The following NOS1AP variants were observed in gnomAD, a reference collection of about 807,000 sequenced individuals.
NOS1AP encodes carboxyl-terminal PDZ ligand of neuronal nitric oxide synthase protein.
In NOS1AP, 21 loss-of-function variants were observed where a neutral mutation model predicts 56.2. The observed-to-expected ratio is 0.37, with a 90% CI of 0.26 to 0.54. The LOEUF is 0.54. Ranked by LOEUF, NOS1AP falls within the 20% of genes least tolerant of loss-of-function variation. NOS1AP has a pLI of 0.84. For missense variants in NOS1AP, 522 were observed against 657.8 expected, an observed-to-expected ratio of 0.79 and a Z score of 2.26; for synonymous variants, 270 against 274.6, an observed-to-expected ratio of 0.98 and a Z score of 0.17.
At chr1:162,085,331 T>G (rs1691979408) in intron 1 of NOS1AP, among the ~76,000 whole-genome samples, 1 of 152,120 alleles carries the variant, frequency 6.6e-6, no homozygotes, top group Non-Finnish European at 1.5e-5. Flanking sequence ...CTAGTTCATT[T>G]TTGTGGAAGT....
chr1:162,291,177 G>C (rs1655272624), intron 3 of NOS1AP, among the ~76,000 whole-genome samples: 1 of 152,172 alleles, frequency 6.6e-6, no homozygotes, highest in African/African-American at 2.4e-5. Flanking sequence ...CAGCCTGTCT[G>C]TAACTGGTGA....
chr1:162,237,312 A>G (rs1159138130), intron 2 of NOS1AP, among the ~76,000 whole-genome samples: 1 of 152,208 alleles, frequency 6.6e-6, no homozygotes, highest in South Asian at 2.1e-4. Flanking sequence ...TTGTTAAGCC[A>G]TTTAACTGTA....
intron 2 of NOS1AP, among the ~76,000 whole-genome samples, chr1:162,170,565 G>A (rs1571092714): frequency 6.6e-6 from 1 of 152,170 alleles, no homozygotes; most frequent in East Asian, 1.9e-4. Flanking sequence ...TAAAAACAAG[G>A]AGAGGGAAGA....
intron 3 of NOS1AP, among the ~76,000 whole-genome samples, chr1:162,296,253 C>T (rs1254795159): frequency 1.3e-5 from 2 of 152,166 alleles, no homozygotes; most frequent in East Asian, 1.9e-4. Context: ...CGCCACTGCA[C>T]TCCAGCCTGG....
rs140867439 is a variant in NOS1AP, at chr1:162,325,101, G to A, written c.345-7916G>A. Among the ~76,000 whole-genome samples, 302 of 152,200 alleles carry A rather than the reference G, an allele frequency of 2.0e-3. 1 individual carries two copies. Among genetic ancestry groups the A allele is most frequent in the African/African-American group, 7.0e-3 (292 of 41,522 alleles). On this transcript the variant is annotated intron_variant, in intron 4 of 9. Coordinates refer to ENST00000361897, the MANE Select transcript of NOS1AP (RefSeq NM_014697.3). ...CCCTGAGGAAGGTAGTCATCAAATC[G>A]AGAATGGCTAAAATGAGGAATGAAG... is the stretch of plus-strand genomic sequence containing the variant.
chr1:162,364,626 T>C (rs1658009747), intron 8 of NOS1AP: 21 of 985,366 alleles, frequency 2.1e-5, no homozygotes, highest in Non-Finnish European at 2.3e-5. Flanking sequence ...GTGCCACAAA[T>C]TGTTCACCTC....
rs189152340 is a variant in NOS1AP at position 162,307,402 on chromosome 1, C to A, written c.344+6696C>A. On this transcript the variant is annotated intron_variant, in intron 4 of 9. Coordinates refer to ENST00000361897, the MANE Select transcript of NOS1AP (RefSeq NM_014697.3). ...TTCAGGAGCCAGAATGGAAGTAATT[C>A]TTCAGTTATGAGTTTAAATGATCAA... is the stretch of plus-strand genomic sequence containing the variant. Among the ~76,000 whole-genome samples the A allele has an allele frequency of 2.0e-5, 3 of 152,284 alleles. No individual in the cohort carries two copies. The East Asian group carries it at 5.8e-4, about 29-fold the overall frequency.
At chr1:162,221,530 G>GCACACACACACACACACA (rs1225944628) in intron 2 of NOS1AP, among the ~76,000 whole-genome samples, 1 of 62,486 alleles carries the variant, frequency 1.6e-5, no homozygotes, top group African/African-American at 3.8e-5. Context: ...GCACACACAC[G>GCACACACACACACACACA]CGCGCACACA....
At chr1:162,072,077 GATAGA>G (rs1558086491) in intron 1 of NOS1AP, among the ~76,000 whole-genome samples, 15 of 151,758 alleles carry the variant, frequency 9.9e-5, no homozygotes, top group African/African-American at 3.6e-4. Flanking sequence ...TAGATAGATA[GATAGA>G]TAGATAGATA....
chr1:162,196,804 A>G (rs1651819673), intron 2 of NOS1AP, among the ~76,000 whole-genome samples: 2 of 152,244 alleles, frequency 1.3e-5, no homozygotes, highest in Admixed American at 6.5e-5. Flanking sequence ...CTTGGGGGGA[A>G]CAGACTGCCT....
Position 162,248,940 on chromosome 1 carries a change from A to G in NOS1AP, c.178-38404A>G, listed in dbSNP as rs1458260517. On this transcript the variant is annotated intron_variant, in intron 2 of 9. Transcript: ENST00000361897. ...AGCACCCCCCCCTTTCCTTTTATCAAGGGGTGATGGACAATAGATGATAGC... is the reference window on the plus strand; with the variant it reads ...AGCACCCCCCCCTTTCCTTTTATCAGGGGGTGATGGACAATAGATGATAGC... 2.0e-5 allele frequency among the ~76,000 whole-genome samples: 3 copies of G among 152,062 alleles called. No individual in the cohort carries two copies. In the East Asian group the frequency reaches 5.8e-4, roughly 29 times the overall value.
At chr1:162,264,802 C>T (rs1244715717) in intron 2 of NOS1AP, among the ~76,000 whole-genome samples, 3 of 129,678 alleles carry the variant, frequency 2.3e-5, no homozygotes, top group African/African-American at 8.7e-5. Context: ...GTGCGTGAGC[C>T]ACCGCGCCCG....
At chr1:162,361,147 A>T (rs765702274) in intron 8 of NOS1AP, among the ~76,000 whole-genome samples, 1 of 152,232 alleles carries the variant, frequency 6.6e-6, no homozygotes, top group Non-Finnish European at 1.5e-5. Context: ...CTTAGTATGT[A>T]AGTACAACAT....
At chr1:162,342,540 CA>C (rs1657141291) in intron 5 of NOS1AP, 1 of 481,820 alleles carries the variant, frequency 2.1e-6, no homozygotes, top group Non-Finnish European at 4.3e-6. Flanking sequence ...CCTAGGAGTT[CA>C]CAAAGATAGT....
chr1:162,317,501 G>C (rs565419172), intron 4 of NOS1AP, among the ~76,000 whole-genome samples: 169 of 152,212 alleles, frequency 1.1e-3, no homozygotes, highest in African/African-American at 3.9e-3. Context: ...AAACCCCAAG[G>C]AAACAATTTA....
At chr1:162,255,184 C>T (rs1653984581) in intron 2 of NOS1AP, among the ~76,000 whole-genome samples, 1 of 152,186 alleles carries the variant, frequency 6.6e-6, no homozygotes, top group South Asian at 2.1e-4. Context: ...CAAGGGCTCA[C>T]AGATGACCTT....
chr1:162,360,324 C>A (rs1657858455), intron 8 of NOS1AP, among the ~76,000 whole-genome samples: 2 of 152,208 alleles, frequency 1.3e-5, no homozygotes, highest in Non-Finnish European at 2.9e-5. Context: ...CACTAGCTTC[C>A]TGCTTTTAGG....
intron 1 of NOS1AP, among the ~76,000 whole-genome samples, chr1:162,106,954 C>T (rs887566906): frequency 1.3e-5 from 2 of 151,874 alleles, no homozygotes; most frequent in African/African-American, 2.4e-5. Flanking sequence ...ATGAAATATG[C>T]GTTTTACTAT....
intron 4 of NOS1AP, among the ~76,000 whole-genome samples, chr1:162,317,538 G>A (rs1656269675): frequency 6.6e-6 from 1 of 152,128 alleles, no homozygotes; most frequent in African/African-American, 2.4e-5. Flanking sequence ...AGCTGATGAA[G>A]GGGAATTTGA....
Sources: allele counts gnomAD v4.1 joint callset (sites outside exome capture counted in the v4.1 genomes callset), GRCh38; gene constraint gnomAD v4.1.1; transcripts MANE v1.5; gene names NCBI Gene and HGNC (gene_info 2026-07-23, HGNC 2026-07-21).